Variants in LRRC8C observed in about 807,000 individuals in gnomAD.
LRRC8C encodes the protein volume-regulated anion channel subunit LRRC8C.
A neutral mutation model predicts 55.3 loss-of-function variants in LRRC8C; 20 were observed. The observed-to-expected ratio is 0.36, with a 90% confidence interval of 0.25 to 0.53. The LOEUF is 0.53. LRRC8C is among the 20% of genes least tolerant of loss of function. The pLI, the probability that LRRC8C is intolerant of heterozygous loss-of-function variation, is 0.92. For missense variants in LRRC8C, 659 were observed against 951.4 expected (o/e 0.69, Z 4.04); for synonymous variants, 376 against 360.7 (o/e 1.04, Z -0.48).
At position 89,718,365 on chromosome 1, in the gene LRRC8C, G is replaced by T. The variant is rs557834846; in HGVS notation, c.*3383G>T. The T allele has an allele frequency of 1.3e-5, 2 of 152,064 alleles. No homozygotes were observed. Among genetic ancestry groups the T allele is most frequent in the Non-Finnish European group, 2.9e-5 (2 of 67,992 alleles). The allele number at this position is 152,064 out of a possible 1,614,324, so 9.4% of individuals were successfully genotyped here. On this transcript the variant is annotated 3_prime_UTR_variant, in exon 3 of 3. Transcript: ENST00000370454. ...CTCTCAAGTTGTCTTTGTGGAGAGG[G>T]TCTTAGACAAAAATCTTCCTTGTAT...
At chr1:89,622,335 A>ATTTTTT in the LRRC8C span, among the ~76,000 whole-genome samples, 34 of 145,480 alleles carry the variant, frequency 2.3e-4, no homozygotes, top group East Asian at 4.1e-4. Flanking sequence ...TACATGTAAA[A>ATTTTTT]TTTTTTTTTT....
chr1:89,648,133 T>C (rs367582916), intron 1 of LRRC8C, among the ~76,000 whole-genome samples: 1 of 152,220 alleles, frequency 6.6e-6, no homozygotes, highest in African/African-American at 2.4e-5. Context: ...TATTTGAATA[T>C]TATGAAGAAA....
rs1656649467 is a variant in LRRC8C at position 89,647,546 on chromosome 1, C to T, written c.-5+14224C>T. On this transcript the variant is annotated intron_variant, in intron 1 of 2. Transcript: ENST00000370454. ...GCACAAAAGCATGAAATTGACTTGC[C>T]GCTTCTGAAAGAACACATTTGGGTT... Among the ~76,000 whole-genome samples, 4 of 152,004 alleles carry T rather than the reference C, an allele frequency of 2.6e-5. No homozygotes were observed. The South Asian group carries it at 8.3e-4, about 32-fold the overall frequency.
intron 1 of LRRC8C, among the ~76,000 whole-genome samples, chr1:89,656,324 A>G (rs1432187761): frequency 1.3e-5 from 2 of 152,166 alleles, no homozygotes; most frequent in African/African-American, 4.8e-5. Context: ...TCTCCACATC[A>G]TCGGGTCTAA....
At chr1:89,617,651 G>A in the LRRC8C span, among the ~76,000 whole-genome samples, 1 of 152,114 alleles carries the variant, frequency 6.6e-6, no homozygotes, top group African/African-American at 2.4e-5. Context: ...ACCAGAATTG[G>A]CACAGATTAA....
chr1:89,702,684 C>CCCAGGATTTTTGAAG (rs1553167655), intron 2 of LRRC8C, among the ~76,000 whole-genome samples: 1 of 151,874 alleles, frequency 6.6e-6, no homozygotes, highest in Non-Finnish European at 1.5e-5. Context: ...ATCACTTGAT[C>CCCAGGATTTTTGAAG]CCAGGATTTT....
chr1:89,686,769 A>G (rs1657896165), intron 2 of LRRC8C, among the ~76,000 whole-genome samples, 158 bp downstream of exon 2: 1 of 152,122 alleles, frequency 6.6e-6, no homozygotes, highest in Non-Finnish European at 1.5e-5. Flanking sequence ...TGAAACACCT[A>G]TTTACTGGGA....
intron 1 of LRRC8C, 107 bp from the exon 2 acceptor site, chr1:89,686,363 G>A: frequency 4.4e-6 from 5 of 1,146,560 alleles, no homozygotes; most frequent in African/African-American, 1.5e-5. Flanking sequence ...GACAGCTCTT[G>A]AACTAATTCA....
At chr1:89,710,035 G>A (rs1307803758) in intron 2 of LRRC8C, among the ~76,000 whole-genome samples, 2 of 152,246 alleles carry the variant, frequency 1.3e-5, no homozygotes, top group East Asian at 3.8e-4. Flanking sequence ...ACAGGCGTGA[G>A]TCACGGCACC....
In LRRC8C at chr1:89,713,396, A is replaced by C; in HGVS notation, c.826A>C (p.Ile276Leu). Residue 276 changes from isoleucine (I) to leucine (L), a missense_variant, in exon 3 of 3, where the codon ATC becomes CTC. Coordinates refer to ENST00000370454, the MANE Select transcript of LRRC8C (RefSeq NM_032270.5). The surrounding 1 kb of genome is among the most constrained non-coding windows in gnomAD (Gnocchi z 5.2). ...ACTTAAAGTTATCAAATTCCTAATC[A>C]TCATTGCATATAATAGTGCTCTGGT... ...TVLKVIKFLIIIAYNSALVSK... is the reference protein window; with the variant it reads ...TVLKVIKFLILIAYNSALVSK... The C allele has an allele frequency of 1.2e-6, 2 of 1,614,232 alleles. No homozygotes were observed. Among genetic ancestry groups the C allele is most frequent in the Non-Finnish European group, 1.7e-6 (2 of 1,180,038 alleles).
At chr1:89,652,896 A>G (rs1042553476) in intron 1 of LRRC8C, among the ~76,000 whole-genome samples, 3 of 152,188 alleles carry the variant, frequency 2.0e-5, no homozygotes, top group Non-Finnish European at 4.4e-5. Flanking sequence ...GGGGAGACAC[A>G]GATATCTATG....
intron 1 of LRRC8C, among the ~76,000 whole-genome samples, chr1:89,634,242 T>C (rs1656218187): frequency 6.6e-6 from 1 of 152,228 alleles, no homozygotes; most frequent in Non-Finnish European, 1.5e-5. Context: ...TCCTTAAACA[T>C]GTTAAAGCCT....
At position 89,717,624 on chromosome 1, in the gene LRRC8C, TG is replaced by T. The variant is rs754407382; in HGVS notation, c.*2643del. ...AACTTAATTTTGAGTCTAAATTTTC[TG>T]ACACTGGCCCCTTTTAATATTGTAA... is the stretch of plus-strand genomic sequence containing the variant. On this transcript the variant is annotated 3_prime_UTR_variant, in exon 3 of 3. Transcript: ENST00000370454. The T allele has an allele frequency of 9.9e-5, 15 of 152,202 alleles. No individual in the cohort carries two copies. Among genetic ancestry groups the T allele is most frequent in the Non-Finnish European group, 2.1e-4 (14 of 68,034 alleles). 9.4% of individuals were successfully genotyped at this position (152,202 alleles called of 1,614,324 possible).
At chr1:89,695,889 C>T (rs909737672) in intron 2 of LRRC8C, among the ~76,000 whole-genome samples, 2 of 152,112 alleles carry the variant, frequency 1.3e-5, no homozygotes, top group Non-Finnish European at 2.9e-5. Context: ...GGATAGGCAT[C>T]ACTTCCATTT....
In LRRC8C at chr1:89,715,696, T is replaced by G. The variant is rs1049895431; in HGVS notation, c.*714T>G. 3 of 152,184 alleles carry G rather than the reference T, an allele frequency of 2.0e-5. No homozygotes were observed. The highest frequency in any genetic ancestry group is 4.4e-5 in the Non-Finnish European group (3 of 68,038). The allele number at this position is 152,184 out of a possible 1,614,324, so 9.4% of individuals were successfully genotyped here. On this transcript the variant is annotated 3_prime_UTR_variant, in exon 3 of 3. Coordinates refer to ENST00000370454, the MANE Select transcript of LRRC8C (RefSeq NM_032270.5). ...TTTAAAACCTAAATACAGAGGCTCC[T>G]CCCACCTTAATCTCAATACTGCTAT...
upstream of LRRC8C, among the ~76,000 whole-genome samples, chr1:89,629,115 G>A (rs1656043875): frequency 6.6e-6 from 1 of 152,202 alleles, no homozygotes; most frequent in South Asian, 2.1e-4. Flanking sequence ...GAATTTTCTA[G>A]GGAAGGTTTT....
upstream of LRRC8C, chr1:89,632,917 A>G (rs1656152129): frequency 6.6e-6 from 1 of 152,392 alleles, no homozygotes; most frequent in Non-Finnish European, 1.5e-5. Flanking sequence ...TGGTCTCTGC[A>G]GGGGAGGAAG....
chr1:89,687,505 T>A (rs1657914085), intron 2 of LRRC8C, among the ~76,000 whole-genome samples: 2 of 152,166 alleles, frequency 1.3e-5, no homozygotes, highest in Non-Finnish European at 2.9e-5. Context: ...GCTGAAGCCA[T>A]GCTTGCAAAT....
chr1:89,652,427 T>G (rs758085091), intron 1 of LRRC8C, among the ~76,000 whole-genome samples: 1 of 152,188 alleles, frequency 6.6e-6, no homozygotes, highest in Non-Finnish European at 1.5e-5. Context: ...TGGTTAAGAA[T>G]AATAATTTTG....
Sources: gnomAD v4.1 joint callset for allele counts (sites outside exome capture counted in the v4.1 genomes callset) on GRCh38, gnomAD v4.1.1 for gene constraint, Gnocchi (gnomAD v3.1) non-coding constraint, MANE v1.5 for transcripts, NCBI Gene and HGNC (gene_info 2026-07-23, HGNC 2026-07-21) for gene names.